ATG10: variants seen among roughly 807,000 people sequenced by gnomAD.
ATG10 encodes ubiquitin-like-conjugating enzyme ATG10.
Under a neutral mutation model 32.1 loss-of-function variants are expected in ATG10, and 30 were observed. That is an observed-to-expected ratio of 0.94 (90% CI 0.70 to 1.27). ATG10 has a LOEUF of 1.27. Among genes scored for constraint, ATG10 ranks in the 50% most tolerant of loss-of-function variants. The pLI is 0.00. For missense variants in ATG10, 233 were observed against 262.3 expected, an observed-to-expected ratio of 0.89 and a Z score of 0.77; for synonymous variants, 87 against 91.5, an observed-to-expected ratio of 0.95 and a Z score of 0.28.
intron 2 of ATG10, among the ~76,000 whole-genome samples, chr5:82,003,399 C>T (rs1330509092): frequency 2.0e-5 from 3 of 152,236 alleles, no homozygotes; most frequent in East Asian, 3.9e-4. Context: ...AAGAAGTGTA[C>T]AAACTCCAGG....
intron 1 of ATG10, among the ~76,000 whole-genome samples, chr5:81,977,050 A>AT (rs1760893950): frequency 6.6e-6 from 1 of 151,850 alleles, no homozygotes; most frequent in African/African-American, 2.4e-5. Flanking sequence ...TAATTTTTGT[A>AT]TTTTTTTGTA....
At chr5:82,108,796 T>G (rs912675646) in intron 3 of ATG10, among the ~76,000 whole-genome samples, 2 of 152,020 alleles carry the variant, frequency 1.3e-5, no homozygotes, top group South Asian at 4.1e-4. Flanking sequence ...ATTTTCAGTC[T>G]ATGTGACTAT....
chr5:82,222,806 AAT>A (rs1239824799), intron 5 of ATG10, among the ~76,000 whole-genome samples: 6 of 152,240 alleles, frequency 3.9e-5, no homozygotes, highest in Non-Finnish European at 8.8e-5. Context: ...CACAGGCATG[AAT>A]GGAACTGTAC....
At chr5:82,175,742 A>T (rs1408820450) in intron 4 of ATG10, among the ~76,000 whole-genome samples, 1 of 152,210 alleles carries the variant, frequency 6.6e-6, no homozygotes, top group Admixed American at 6.5e-5. Context: ...CTTTCTCACT[A>T]AAGTCTAAAA....
chr5:81,987,732 T>G, intron 2 of ATG10, 54 bp downstream of exon 2: 3 of 1,411,594 alleles, frequency 2.1e-6, no homozygotes, highest in Non-Finnish European at 3.0e-6. Flanking sequence ...TTGTTTTGTT[T>G]TGTTTTGGTT....
At chr5:82,120,898 G>T (rs979109041) in intron 3 of ATG10, among the ~76,000 whole-genome samples, 15 of 152,048 alleles carry the variant, frequency 9.9e-5, no homozygotes, top group Non-Finnish European at 1.6e-4. Context: ...GATTTAAAAG[G>T]TTCTAATATT....
intron 2 of ATG10, among the ~76,000 whole-genome samples, chr5:82,011,301 A>T (rs542071635): frequency 2.6e-5 from 4 of 152,200 alleles, no homozygotes; most frequent in African/African-American, 9.6e-5. Context: ...GGATCATTAC[A>T]TCAATTTATT....
chr5:82,197,234 AT>A (rs1178577168), intron 5 of ATG10, among the ~76,000 whole-genome samples: 5 of 151,860 alleles, frequency 3.3e-5, no homozygotes, highest in Non-Finnish European at 5.9e-5. Context: ...TTTTGTGTGT[AT>A]TTTTTTGTAT....
At position 81,987,624 on chromosome 5, in the gene ATG10, A is replaced by G; in HGVS notation, c.54A>G (p.Glu18=). Residue 18 remains glutamate, a synonymous_variant, in exon 2 of 8, where the codon GAA becomes GAG. Coordinates refer to ENST00000282185, the MANE Select transcript of ATG10 (RefSeq NM_031482.5). ...AAACATTCCAACGTTATTGTGCAGAATTCATTAAACATTCACAACAGATAG... is the reference window on the plus strand; with the variant it reads ...AAACATTCCAACGTTATTGTGCAGAGTTCATTAAACATTCACAACAGATAG... ...GEKTFQRYCA[E]FIKHSQQIGD... 6.2e-7 allele frequency: 1 copy of G among 1,613,300 alleles called. No homozygotes were observed. Among genetic ancestry groups the G allele is most frequent in the Admixed American group, 1.7e-5 (1 of 59,856 alleles).
intron 2 of ATG10, among the ~76,000 whole-genome samples, chr5:82,047,815 C>T (rs1020497858): frequency 6.6e-6 from 1 of 152,138 alleles, no homozygotes; most frequent in Non-Finnish European, 1.5e-5. Context: ...TGTAAGAAAA[C>T]TAACTTCTTT....
At chr5:82,216,277 A>G (rs1416554052) in intron 5 of ATG10, among the ~76,000 whole-genome samples, 1 of 152,224 alleles carries the variant, frequency 6.6e-6, no homozygotes, top group Admixed American at 6.5e-5. Context: ...AACTTAGTGA[A>G]TTTCGCTCTG....
chr5:82,139,235 C>G (rs369857073), intron 3 of ATG10, among the ~76,000 whole-genome samples: 1 of 136,590 alleles, frequency 7.3e-6, no homozygotes, highest in African/African-American at 3.0e-5. Context: ...CCCAAAGTGC[C>G]GAGATTGCAG....
chr5:82,102,416 T>G (rs1488529894), intron 3 of ATG10, among the ~76,000 whole-genome samples: 1 of 152,180 alleles, frequency 6.6e-6, no homozygotes, highest in African/African-American at 2.4e-5. Flanking sequence ...AGTACTCCAG[T>G]ACATACATCT....
chr5:82,051,686 G>A (rs1763431567), intron 2 of ATG10, among the ~76,000 whole-genome samples: 1 of 152,134 alleles, frequency 6.6e-6, no homozygotes, highest in Non-Finnish European at 1.5e-5. Context: ...ATGAGAAATT[G>A]AAGTCAGTGT....
chr5:82,051,640 C>G (rs943075685), intron 2 of ATG10, among the ~76,000 whole-genome samples: 1 of 152,070 alleles, frequency 6.6e-6, no homozygotes, highest in African/African-American at 2.4e-5. Context: ...TTCACCCTGG[C>G]CAGGATCCTC....
intron 5 of ATG10, among the ~76,000 whole-genome samples, chr5:82,244,534 A>G (rs1256631973): frequency 1.3e-5 from 2 of 152,100 alleles, no homozygotes; most frequent in African/African-American, 4.8e-5. Context: ...CCCCTGCTTG[A>G]GGGGTTAGCA....
intron 1 of ATG10, among the ~76,000 whole-genome samples, chr5:81,981,202 T>C (rs1761038810): frequency 6.6e-6 from 1 of 152,232 alleles, no homozygotes; most frequent in African/African-American, 2.4e-5. Context: ...TTACCAGCCC[T>C]GTCAAAGTGA....
At chr5:81,973,811 T>G (rs776153495) in intron 1 of ATG10, among the ~76,000 whole-genome samples, 1 of 152,194 alleles carries the variant, frequency 6.6e-6, no homozygotes, top group East Asian at 1.9e-4. Context: ...AAAATTAAAG[T>G]CTTGCAAATT....
At chr5:81,993,360 C>CTTCCTTCTTTCTTTTCTT (rs1761535147) in intron 2 of ATG10, among the ~76,000 whole-genome samples, 2 of 46,772 alleles carry the variant, frequency 4.3e-5, no homozygotes, top group East Asian at 6.4e-4. Context: ...TCTTTCTTTC[C>CTTCCTTCTTTCTTTTCTT]TTCTTTTCTT....
Sources: gnomAD v4.1 joint callset for allele counts (sites outside exome capture counted in the v4.1 genomes callset) on GRCh38, gnomAD v4.1.1 for gene constraint, MANE v1.5 for transcripts, NCBI Gene and HGNC (gene_info 2026-07-23, HGNC 2026-07-21) for gene names.